The following NIBAN1 variants were observed in gnomAD, a reference collection of about 807,000 sequenced individuals.
NIBAN1 encodes the protein niban apoptosis regulator 1.
Under a neutral mutation model 75.1 loss-of-function variants are expected in NIBAN1, and 81 were observed. The observed-to-expected ratio is 1.08, with a 90% CI of 0.90 to 1.30. The LOEUF is 1.30. NIBAN1 is among the 50% of genes most tolerant of loss of function. The pLI, the probability that NIBAN1 is intolerant of heterozygous loss-of-function variation, is 0.00. For missense variants in NIBAN1, 1,133 were observed against 1,128.1 expected, an observed-to-expected ratio of 1.00 and a Z score of -0.06; for synonymous variants, 436 against 424.8, an observed-to-expected ratio of 1.03 and a Z score of -0.32.
At chr1:184,912,318 AT>A (rs1259299703) in intron 1 of NIBAN1, among the ~76,000 whole-genome samples, 1 of 152,132 alleles carries the variant, frequency 6.6e-6, no homozygotes, top group Non-Finnish European at 1.5e-5. Context: ...TGATGTGAAC[AT>A]TGGTGCACGA....
At chr1:184,914,115 G>A (rs1402224834) in intron 1 of NIBAN1, among the ~76,000 whole-genome samples, 2 of 152,190 alleles carry the variant, frequency 1.3e-5, no homozygotes, top group Non-Finnish European at 2.9e-5. Context: ...AGCTGACTCA[G>A]TCTCCACTGA....
rs1198277528 is a variant in NIBAN1 at position 184,793,573 on chromosome 1, TA to T, written c.*1403del. On this transcript the variant is annotated 3_prime_UTR_variant, in exon 14 of 14. Transcript: ENST00000367511. ...TCCATCTCAAAAAAATAGAATAAAATAAAATAAAAAGTCGGGGAGGGAAACC... is the reference window on the plus strand; with the variant it reads ...TCCATCTCAAAAAAATAGAATAAAATAAATAAAAAGTCGGGGAGGGAAACC... The T allele has an allele frequency of 1.3e-5, 2 of 151,842 alleles. No homozygotes were observed. The highest frequency in any genetic ancestry group is 2.9e-5 in the Non-Finnish European group (2 of 67,962). 9.4% of individuals were successfully genotyped at this position (151,842 alleles called of 1,614,324 possible).
At chr1:184,926,921 G>C (rs572889498) in intron 1 of NIBAN1, among the ~76,000 whole-genome samples, 1 of 152,074 alleles carries the variant, frequency 6.6e-6, no homozygotes, top group South Asian at 2.1e-4. Flanking sequence ...TCTCCTGCTT[G>C]ATCAATTCTG....
At chr1:184,920,886 C>T (rs1181806056) in intron 1 of NIBAN1, among the ~76,000 whole-genome samples, 1 of 152,254 alleles carries the variant, frequency 6.6e-6, no homozygotes, top group Admixed American at 6.5e-5. Flanking sequence ...GTAATCCAAG[C>T]ACCTTGGAAG....
At chr1:184,813,296 A>C (rs549290955) in intron 9 of NIBAN1, among the ~76,000 whole-genome samples, 2 of 152,374 alleles carry the variant, frequency 1.3e-5, no homozygotes, top group Admixed American at 6.5e-5. Flanking sequence ...CTTACATCAA[A>C]TATTTTGAAA....
At chr1:184,927,264 T>C (rs1254482345) in intron 1 of NIBAN1, among the ~76,000 whole-genome samples, 1 of 152,172 alleles carries the variant, frequency 6.6e-6, no homozygotes, top group Non-Finnish European at 1.5e-5. Context: ...TTTATTGTCA[T>C]GTTCTCAGTC....
At chr1:184,874,619 T>C (rs892629441) in intron 5 of NIBAN1, among the ~76,000 whole-genome samples, 7 of 152,094 alleles carry the variant, frequency 4.6e-5, no homozygotes, top group African/African-American at 1.7e-4. Flanking sequence ...CACATATACA[T>C]GTGTAGATGT....
intron 5 of NIBAN1, among the ~76,000 whole-genome samples, chr1:184,846,141 C>G (rs1002190272): frequency 3.4e-5 from 2 of 58,984 alleles, no homozygotes; most frequent in Non-Finnish European, 6.5e-5. Context: ...GGAGGCCTGC[C>G]TGCCTCTGTA....
chr1:184,950,348 A>G (rs1658330851), intron 1 of NIBAN1, among the ~76,000 whole-genome samples: 3 of 152,322 alleles, frequency 2.0e-5, no homozygotes, highest in Non-Finnish European at 2.9e-5. Context: ...GAATGATGAG[A>G]AGGAGTTAAT....
chr1:184,833,047 A>G (rs1038407032), intron 5 of NIBAN1, among the ~76,000 whole-genome samples: 21 of 152,160 alleles, frequency 1.4e-4, no homozygotes, highest in Admixed American at 1.2e-3. Context: ...CTCTCCTCCT[A>G]TAAGGCACAA....
chr1:184,808,830 G>A (rs1402484195), intron 9 of NIBAN1, among the ~76,000 whole-genome samples: 1 of 152,120 alleles, frequency 6.6e-6, no homozygotes. Context: ...GAAGAACTGG[G>A]GTCCCTCCTA....
At chr1:184,940,439 A>G (rs1049482121) in intron 1 of NIBAN1, among the ~76,000 whole-genome samples, 1 of 152,238 alleles carries the variant, frequency 6.6e-6, no homozygotes, top group Non-Finnish European at 1.5e-5. Flanking sequence ...CAAATTGTAT[A>G]ATACCACAGA....
intron 1 of NIBAN1, among the ~76,000 whole-genome samples, chr1:184,969,518 A>C (rs939789672): frequency 1.3e-5 from 2 of 152,112 alleles, no homozygotes; most frequent in African/African-American, 4.8e-5. Flanking sequence ...AGCAGGTGGC[A>C]AACTTCCCCT....
Position 184,874,523 on chromosome 1 carries a change from C to A in NIBAN1, c.601+10110G>T, listed in dbSNP as rs1656185358. 2.6e-5 allele frequency among the ~76,000 whole-genome samples: 4 copies of A among 151,786 alleles called. No homozygotes were observed. In the South Asian group the frequency reaches 8.3e-4, roughly 32 times the overall value. On this transcript the variant is annotated intron_variant, in intron 5 of 13. Coordinates refer to ENST00000367511, the MANE Select transcript of NIBAN1 (RefSeq NM_052966.4). ...ATTTCATAATGATAAAAATTTAATT[C>A]ACTAGGAAGATATAATTCTAAGCAT...
Position 184,794,680 on chromosome 1 carries a change from G to C in NIBAN1, c.*297C>G. 1 of 485,502 alleles carries C rather than the reference G, an allele frequency of 2.1e-6. No homozygotes were observed. The highest frequency in any genetic ancestry group is 3.8e-6 in the Non-Finnish European group (1 of 266,616). 30.1% of individuals were successfully genotyped at this position (485,502 alleles called of 1,614,324 possible). On this transcript the variant is annotated 3_prime_UTR_variant, in exon 14 of 14. Transcript: ENST00000367511. Reference sequence around the variant, plus strand: ...AAACTGTCATCCTACTGTTTTCTCAGTCTTCCCTGCAATACTATTCCCTCC... The same window carrying C: ...AAACTGTCATCCTACTGTTTTCTCACTCTTCCCTGCAATACTATTCCCTCC...
At chr1:184,797,459 A>T (rs56374790) in intron 13 of NIBAN1, among the ~76,000 whole-genome samples, 7,858 of 151,688 alleles carry the variant, frequency 0.052, 233 homozygotes, top group Middle Eastern at 0.065. Context: ...GCATATTTTA[A>T]ACAAAGTTTT....
In NIBAN1 at chr1:184,803,579, C is replaced by G; in HGVS notation, c.1554+6G>C. The G allele has an allele frequency of 6.2e-7, 1 of 1,611,832 alleles. No individual in the cohort carries two copies. Among genetic ancestry groups the G allele is most frequent in the Non-Finnish European group, 8.5e-7 (1 of 1,178,008 alleles). On this transcript the variant is annotated splice_donor_region_variant and intron_variant, in intron 12 of 13. Transcript: ENST00000367511. Reference sequence around the variant, plus strand: ...GCAAGCTCTTTAGGGTAACTCATCCCCTTACTGGTTTGCATGTGGACGCCA... The same window carrying G: ...GCAAGCTCTTTAGGGTAACTCATCCGCTTACTGGTTTGCATGTGGACGCCA...
At chr1:184,859,565 T>A (rs1655763063) in intron 5 of NIBAN1, among the ~76,000 whole-genome samples, 1 of 152,082 alleles carries the variant, frequency 6.6e-6, no homozygotes. Context: ...ATGTAGCCAA[T>A]GGAAACAAAC....
At chr1:184,816,852 A>G (rs1043988497) in intron 9 of NIBAN1, among the ~76,000 whole-genome samples, 2 of 151,190 alleles carry the variant, frequency 1.3e-5, no homozygotes, top group East Asian at 3.9e-4. Context: ...AAATGACCAA[A>G]AGGGGGGAAT....
Sources: allele counts gnomAD v4.1 joint callset (sites outside exome capture counted in the v4.1 genomes callset), GRCh38; gene constraint gnomAD v4.1.1; transcripts MANE v1.5; gene names NCBI Gene and HGNC (gene_info 2026-07-23, HGNC 2026-07-21).